Variants in STXBP3 observed in about 807,000 individuals in gnomAD.
STXBP3 encodes syntaxin-binding protein 3.
In STXBP3, 41 loss-of-function variants were observed where a neutral mutation model predicts 85.7. The ratio of observed to expected loss-of-function variants is 0.48; its 90% confidence interval spans 0.37 to 0.62. The LOEUF is 0.62. Among genes scored for constraint, STXBP3 ranks in the 20% least tolerant of loss-of-function variants. The probability of loss-of-function intolerance (pLI) is 0.00; values close to 1 mark genes in which losing one functional copy is unlikely to be tolerated. For missense variants in STXBP3, 563 were observed against 703.1 expected, an observed-to-expected ratio of 0.80 and a Z score of 2.25; for synonymous variants, 229 against 231.7, an observed-to-expected ratio of 0.99 and a Z score of 0.10.
At chr1:108,795,629 C>T (rs1217335428) in intron 13 of STXBP3, among the ~76,000 whole-genome samples, 2 of 152,146 alleles carry the variant, frequency 1.3e-5, no homozygotes, top group Admixed American at 6.5e-5. Context: ...TTTGTACCTA[C>T]AGCACATCTT....
At chr1:108,766,922 TG>T in intron 6 of STXBP3, 1 of 535,286 alleles carries the variant, frequency 1.9e-6, no homozygotes. Flanking sequence ...AATATGGAAC[TG>T]GGGAGGACTT....
chr1:108,774,749 G>A (rs1196840541), intron 7 of STXBP3, among the ~76,000 whole-genome samples: 2 of 149,832 alleles, frequency 1.3e-5, no homozygotes, highest in Non-Finnish European at 1.5e-5. Flanking sequence ...AAAGTGCTGG[G>A]ATTATCTTTT....
intron 7 of STXBP3, among the ~76,000 whole-genome samples, chr1:108,773,032 C>G (rs533598688): frequency 3.1e-4 from 47 of 152,180 alleles, no homozygotes; most frequent in African/African-American, 1.1e-3. Context: ...AAATTTGGTA[C>G]AATTTACGGA....
intron 11 of STXBP3, among the ~76,000 whole-genome samples, chr1:108,783,092 G>C (rs779676136): frequency 6.6e-6 from 1 of 152,206 alleles, no homozygotes; most frequent in African/African-American, 2.4e-5. Context: ...GTTTTGCCAT[G>C]TTGGCCAGGC....
At chr1:108,796,878 C>T in intron 15 of STXBP3, 152 bp downstream of exon 15, 1 of 519,340 alleles carries the variant, frequency 1.9e-6, no homozygotes, top group Non-Finnish European at 3.1e-6. Context: ...TTCTCTTTTC[C>T]ATATGTAATT....
chr1:108,746,895 C>CAA, intron 1 of STXBP3, 109 bp downstream of exon 1: 1 of 1,139,898 alleles, frequency 8.8e-7, no homozygotes, highest in Non-Finnish European at 1.3e-6. Context: ...GCCGCGAGCA[C>CAA]TTGTTGCTTT....
chr1:108,788,238 A>G (rs1296010324), intron 11 of STXBP3, among the ~76,000 whole-genome samples: 2 of 152,184 alleles, frequency 1.3e-5, no homozygotes, highest in Non-Finnish European at 2.9e-5. Flanking sequence ...TTCTAGAATA[A>G]ACTCCACTTG....
At chr1:108,807,278 AAAAT>A in intron 17 of STXBP3, 119 bp from the exon 18 acceptor site, 1 of 906,554 alleles carries the variant, frequency 1.1e-6, no homozygotes, top group Non-Finnish European at 1.6e-6. Context: ...AAAAAAAAAA[AAAAT>A]CAATGTAATT....
chr1:108,754,707 C>T (rs1236537766), intron 3 of STXBP3, among the ~76,000 whole-genome samples: 1 of 152,138 alleles, frequency 6.6e-6, no homozygotes, highest in African/African-American at 2.4e-5. Flanking sequence ...AGCTCCACAG[C>T]TTTCTTTAGG....
In STXBP3 at chr1:108,760,415, G is replaced by T. The variant is rs1045352947; in HGVS notation, c.438+330G>T. On this transcript the variant is annotated intron_variant, in intron 6 of 18. Transcript: ENST00000370008. ...TTTCATTTAGCTTGTGTAACCTTTT[G>T]TGATATTAAAACAAATGCTCTTTAA... Among the ~76,000 whole-genome samples the T allele has an allele frequency of 3.3e-5, 5 of 152,100 alleles. No individual in the cohort carries two copies. In the South Asian group the frequency reaches 1.0e-3, roughly 32 times the overall value.
At chr1:108,783,869 T>C (rs1302674664) in intron 11 of STXBP3, among the ~76,000 whole-genome samples, 1 of 152,188 alleles carries the variant, frequency 6.6e-6, no homozygotes, top group Non-Finnish European at 1.5e-5. Flanking sequence ...TTGCACGAGA[T>C]GGTATCTTAT....
chr1:108,779,475 G>T, intron 9 of STXBP3, 65 bp downstream of exon 9: 1 of 1,459,698 alleles, frequency 6.9e-7, no homozygotes. Flanking sequence ...AGCATTTAAT[G>T]ATTTATATAG....
Position 108,760,164 on chromosome 1 carries a change from T to C in STXBP3, c.438+79T>C, listed in dbSNP as rs555643622. 174 of 756,034 alleles carry C rather than the reference T, an allele frequency of 2.3e-4. No homozygotes were observed. In the African/African-American group the frequency reaches 2.5e-3, roughly 11 times the overall value. The allele number at this position is 756,034 out of a possible 1,614,324, so 46.8% of individuals were successfully genotyped here. A position where few individuals can be genotyped will look rare whatever the true frequency, so the allele number is the denominator to read the frequency against. The stretch of plus-strand genomic sequence containing the variant: ...GGCTTATTGTTAATAAAGTATATTC[T>C]GAAGATATTTTTTATATGTATTTGG... On this transcript the variant is annotated intron_variant, in intron 6 of 18. Transcript: ENST00000370008.
intron 7 of STXBP3, among the ~76,000 whole-genome samples, chr1:108,775,023 A>T (rs1159913199): frequency 6.6e-6 from 1 of 152,182 alleles, no homozygotes; most frequent in Admixed American, 6.6e-5. Flanking sequence ...AGTATAATTT[A>T]AAAATGAAGT....
At position 108,782,710 on chromosome 1, in the gene STXBP3, A is replaced by G. The variant is rs1332786536; in HGVS notation, c.963+4A>G. 3 of 1,599,960 alleles carry G rather than the reference A, an allele frequency of 1.9e-6. No homozygotes were observed. Among genetic ancestry groups the G allele is most frequent in the Non-Finnish European group, 2.6e-6 (3 of 1,175,434 alleles). On this transcript the variant is annotated splice_donor_region_variant and intron_variant, in intron 11 of 18. Transcript: ENST00000370008. ...AAAGAAAGCAACAGAAGGAAAGGTA[A>G]GAGTCTTACTTAACTTTCAAAGTAA...
At chr1:108,746,817 G>A (rs1661795094) in intron 1 of STXBP3, 31 bp downstream of exon 1, 6 of 1,547,320 alleles carry the variant, frequency 3.9e-6, no homozygotes, top group Non-Finnish European at 5.2e-6. Context: ...GTTGAGAGAG[G>A]GAAGGCCGGG....
intron 6 of STXBP3, among the ~76,000 whole-genome samples, chr1:108,771,418 T>C (rs12128661): frequency 6.5e-5 from 6 of 92,174 alleles, no homozygotes; most frequent in South Asian, 3.1e-4. Context: ...ATATATATAA[T>C]ATATAAATAT....
intron 7 of STXBP3, among the ~76,000 whole-genome samples, chr1:108,774,181 A>G (rs1662533939): frequency 6.6e-6 from 1 of 152,140 alleles, no homozygotes; most frequent in Non-Finnish European, 1.5e-5. Context: ...TGTGTGTGCC[A>G]GGCAGTTTTA....
At chr1:108,747,103 G>T (rs530461906) in intron 1 of STXBP3, among the ~76,000 whole-genome samples, 1 of 152,250 alleles carries the variant, frequency 6.6e-6, no homozygotes, top group South Asian at 2.1e-4. Flanking sequence ...GCCCGTGCGT[G>T]CCCTCGGCCG....
Sources: allele counts gnomAD v4.1 joint callset (sites outside exome capture counted in the v4.1 genomes callset), GRCh38; gene constraint gnomAD v4.1.1; transcripts MANE v1.5; gene names NCBI Gene and HGNC (gene_info 2026-07-23, HGNC 2026-07-21).